Variants in PRDM16 observed in about 807,000 individuals in gnomAD.
PRDM16 encodes the protein histone-lysine N-methyltransferase PRDM16.
Under a neutral mutation model 110.6 loss-of-function variants are expected in PRDM16, and 23 were observed. The observed-to-expected ratio is 0.21, with a 90% CI of 0.15 to 0.29. The LOEUF (loss-of-function observed/expected upper bound fraction) is 0.29. PRDM16 is among the 10% of genes least tolerant of loss of function. The probability of loss-of-function intolerance (pLI) is 1.00; values close to 1 mark genes in which losing one functional copy is unlikely to be tolerated. For missense variants in PRDM16, 1,615 were observed against 1,794.3 expected (o/e 0.90, Z 1.81); for synonymous variants, 799 against 781.8 (o/e 1.02, Z -0.37).
chr1:3,166,459 A>G (rs1643958167), intron 1 of PRDM16, among the ~76,000 whole-genome samples: 2 of 152,262 alleles, frequency 1.3e-5, no homozygotes, highest in African/African-American at 4.8e-5. Context: ...ACGTGCTGCC[A>G]GGTGACAAAC....
At chr1:3,279,791 GC>G (rs1173166173) in intron 3 of PRDM16, among the ~76,000 whole-genome samples, 7 of 151,846 alleles carry the variant, frequency 4.6e-5, no homozygotes, top group African/African-American at 1.7e-4. Flanking sequence ...ACCAGAGCCT[GC>G]GGGGGGGTGG....
At chr1:3,184,034 C>T (rs1029430552) in intron 1 of PRDM16, among the ~76,000 whole-genome samples, 2 of 152,120 alleles carry the variant, frequency 1.3e-5, no homozygotes, top group African/African-American at 2.4e-5. Flanking sequence ...ACACGGTCAG[C>T]GGGGCGGGGG....
chr1:3,365,990 A>G (rs1349255472), intron 3 of PRDM16, among the ~76,000 whole-genome samples: 3 of 152,134 alleles, frequency 2.0e-5, no homozygotes, highest in African/African-American at 7.2e-5. Flanking sequence ...GCACACAAAC[A>G]TGCACACATA....
intron 3 of PRDM16, among the ~76,000 whole-genome samples, chr1:3,362,844 C>T (rs372726059): frequency 2.0e-5 from 3 of 152,220 alleles, no homozygotes; most frequent in East Asian, 1.9e-4. Flanking sequence ...TAGGGAGTGT[C>T]GGGGAGCCAG....
chr1:3,306,254 C>T (rs1570033470), intron 3 of PRDM16, among the ~76,000 whole-genome samples: 1 of 152,242 alleles, frequency 6.6e-6, no homozygotes, highest in African/African-American at 2.4e-5. Flanking sequence ...GTGGGCAGTT[C>T]AGTGCTGGGG....
rs80054191 is a variant in PRDM16 at position 3,263,063 on chromosome 1, C to G, written c.438+18926C>G. Among the ~76,000 whole-genome samples, 551 of 152,242 alleles carry G rather than the reference C, an allele frequency of 3.6e-3. 3 individuals carry two copies. Among genetic ancestry groups the G allele is most frequent in the African/African-American group, 0.012 (519 of 41,544 alleles). ...ACCAGCTCCTCTGGGCATGCAGCCT[C>G]TGGTTGGTGATGGCTCAGTGTGTAC... is the stretch of plus-strand genomic sequence containing the variant. On this transcript the variant is annotated intron_variant, in intron 3 of 16. Coordinates refer to ENST00000270722, the MANE Select transcript of PRDM16 (RefSeq NM_022114.4).
chr1:3,078,693 C>T lies in PRDM16; in HGVS notation c.37+9397C>T, dbSNP rs115470671. ...CCTGTGGCAGGCAGGACACTGCCAA[C>T]GTTTTAGCGGAGGGAGGAAATGACG... On this transcript the variant is annotated intron_variant, in intron 1 of 16. Transcript: ENST00000270722. Among the ~76,000 whole-genome samples the T allele has an allele frequency of 6.0e-3, 914 of 152,312 alleles. 10 individuals are homozygous for T. The highest frequency in any genetic ancestry group is 0.02 in the African/African-American group (845 of 41,568).
chr1:3,417,702 C>T, intron 10 of PRDM16, 126 bp from the exon 11 acceptor site: 1 of 801,540 alleles, frequency 1.2e-6, no homozygotes, highest in Non-Finnish European at 2.1e-6. Context: ...TACTAGGAGA[C>T]CATTGCTTCC....
intron 8 of PRDM16, among the ~76,000 whole-genome samples, chr1:3,406,796 G>T (rs941647777): frequency 1.3e-5 from 2 of 152,178 alleles, no homozygotes; most frequent in Non-Finnish European, 2.9e-5. Flanking sequence ...GGGTCCAAGG[G>T]GCCTTGTGGG....
intron 3 of PRDM16, among the ~76,000 whole-genome samples, chr1:3,355,948 A>G (rs1642587947): frequency 6.6e-6 from 1 of 151,758 alleles, no homozygotes; most frequent in East Asian, 1.9e-4. Context: ...GGTGAATGTG[A>G]GCAAAGACGC....
intron 3 of PRDM16, among the ~76,000 whole-genome samples, chr1:3,285,488 G>A (rs1640824186): frequency 6.6e-6 from 1 of 152,154 alleles, no homozygotes; most frequent in Non-Finnish European, 1.5e-5. Context: ...TCTCGGGACG[G>A]ACATGTCCCC....
At chr1:3,341,281 G>A (rs1284746098) in intron 3 of PRDM16, among the ~76,000 whole-genome samples, 1 of 152,224 alleles carries the variant, frequency 6.6e-6, no homozygotes, top group African/African-American at 2.4e-5. Context: ...CCGTTGGCAA[G>A]GGTAGGTCTC....
rs1232666913 is a variant in PRDM16, at chr1:3,290,699, T to TC, written c.438+46564dup. On this transcript the variant is annotated intron_variant, in intron 3 of 16. Coordinates refer to ENST00000270722, the MANE Select transcript of PRDM16 (RefSeq NM_022114.4). The surrounding 1 kb of genome is among the most constrained non-coding windows in gnomAD (Gnocchi z 4.8). ...CCACAACCCAGGGAAACAACAGGGC[T>TC]CCAGGGGGACGTGCAGGGAGTGGAA... Among the ~76,000 whole-genome samples the TC allele has an allele frequency of 1.3e-5, 2 of 151,980 alleles. No homozygotes were observed. Among genetic ancestry groups the TC allele is most frequent in the African/African-American group, 4.8e-5 (2 of 41,364 alleles).
At chr1:3,360,873 TC>T (rs746853815) in intron 3 of PRDM16, among the ~76,000 whole-genome samples, 1 of 152,126 alleles carries the variant, frequency 6.6e-6, no homozygotes, top group Non-Finnish European at 1.5e-5. Flanking sequence ...CACTGCATTT[TC>T]CCCAAGTGGA....
At position 3,148,143 on chromosome 1, in the gene PRDM16, T is replaced by C. The variant is rs1385338027; in HGVS notation, c.38-37982T>C. 6.6e-6 allele frequency among the ~76,000 whole-genome samples: 1 copy of C among 151,886 alleles called. No homozygotes were observed. Among genetic ancestry groups the C allele is most frequent in the Non-Finnish European group, 1.5e-5 (1 of 67,940 alleles). ...GGTGTGGTTGGGCATCAGGACGGTT[T>C]TGTGGGAGGGGCTGGGCTGAGAGGT... On this transcript the variant is annotated intron_variant, in intron 1 of 16. Transcript: ENST00000270722. This position sits in a 1 kb window ranked among gnomAD's most constrained non-coding sequence, Gnocchi z 5.0.
Position 3,175,901 on chromosome 1 carries a change from C to T in PRDM16, c.38-10224C>T, listed in dbSNP as rs1644079701. Reference sequence around the variant, plus strand: ...GTCAGAAGTGGGAGTGAGGCTCCTGCCTTCTACCTCTTCTGTTGGAAACTG... The same window carrying T: ...GTCAGAAGTGGGAGTGAGGCTCCTGTCTTCTACCTCTTCTGTTGGAAACTG... On this transcript the variant is annotated intron_variant, in intron 1 of 16. Coordinates refer to ENST00000270722, the MANE Select transcript of PRDM16 (RefSeq NM_022114.4). The surrounding 1 kb of genome is among the most constrained non-coding windows in gnomAD (Gnocchi z 4.8). Among the ~76,000 whole-genome samples, 1 of 152,148 alleles carries T rather than the reference C, an allele frequency of 6.6e-6. No individual in the cohort carries two copies. Among genetic ancestry groups the T allele is most frequent in the African/African-American group, 2.4e-5 (1 of 41,420 alleles).
chr1:3,300,898 C>T (rs1641193598), intron 3 of PRDM16, among the ~76,000 whole-genome samples: 1 of 152,180 alleles, frequency 6.6e-6, no homozygotes. Context: ...TGCTATCACC[C>T]TCGCTGTGGT....
At position 3,165,505 on chromosome 1, in the gene PRDM16, GGACTCACCTGGGCTCAGGGACAGT is replaced by G. The variant is rs1643942685; in HGVS notation, c.38-20596_38-20573del. Among the ~76,000 whole-genome samples the G allele has an allele frequency of 5.3e-5, 4 of 75,644 alleles. 1 individual carries two copies. Among genetic ancestry groups the G allele is most frequent in the East Asian group, 4.3e-4 (1 of 2,302 alleles). 49.6% of individuals were successfully genotyped at this position (75,644 alleles called of 152,430 possible). ...GTGACTCACCTGGGCTCAGGGACAG[GGACTCACCTGGGCTCAGGGACAGT>G]GACTCACCTGGGCTCAGGGACAGGG... On this transcript the variant is annotated intron_variant, in intron 1 of 16. Transcript: ENST00000270722.
intron 9 of PRDM16, among the ~76,000 whole-genome samples, chr1:3,414,202 C>T (rs1319452774): frequency 6.6e-6 from 1 of 152,206 alleles, no homozygotes; most frequent in Admixed American, 6.5e-5. Flanking sequence ...AGAGAAAACT[C>T]CAGCCGCCTG....
Sources: allele counts gnomAD v4.1 joint callset (sites outside exome capture counted in the v4.1 genomes callset), GRCh38; gene constraint gnomAD v4.1.1; non-coding constraint Gnocchi (gnomAD v3.1); transcripts MANE v1.5; gene names NCBI Gene and HGNC (gene_info 2026-07-23, HGNC 2026-07-21).